The following FHIT variants were observed in gnomAD, a reference collection of about 807,000 sequenced individuals.
FHIT encodes the protein bis(5'-adenosyl)-triphosphatase.
Under a neutral mutation model 17.9 loss-of-function variants are expected in FHIT, and 19 were observed. The ratio of observed to expected loss-of-function variants is 1.06; its 90% CI spans 0.74 to 1.56. The LOEUF (loss-of-function observed/expected upper bound fraction) is 1.56. Ranked by LOEUF, FHIT falls within the 40% of genes most tolerant of loss-of-function variation. The pLI, the probability that FHIT is intolerant of heterozygous loss-of-function variation, is 0.00. For synonymous variants in FHIT, 81 were observed against 69.7 expected (o/e 1.16, Z -0.81); for missense variants, 248 against 189.2 (o/e 1.31, Z -1.82).
chr3:60,719,694 T>C (rs2041766835), intron 4 of FHIT, among the ~76,000 whole-genome samples: 1 of 152,202 alleles, frequency 6.6e-6, no homozygotes, highest in Non-Finnish European at 1.5e-5. Context: ...AGCCTCACAC[T>C]GTAGTTTGAG....
At chr3:61,048,154 A>G (rs2033884837) in intron 2 of FHIT, among the ~76,000 whole-genome samples, 1 of 152,196 alleles carries the variant, frequency 6.6e-6, no homozygotes, top group Admixed American at 6.5e-5. Flanking sequence ...GAGCTTCTGC[A>G]CAGCAAAAGA....
At chr3:60,578,416 G>C (rs570267590) in intron 4 of FHIT, among the ~76,000 whole-genome samples, 1 of 147,958 alleles carries the variant, frequency 6.8e-6, no homozygotes, top group Non-Finnish European at 1.5e-5. Context: ...TGGCCTGGGC[G>C]AAAGAGCATG....
chr3:59,772,745 A>G (rs1702129514), intron 8 of FHIT, among the ~76,000 whole-genome samples: 2 of 152,164 alleles, frequency 1.3e-5, no homozygotes, highest in African/African-American at 4.8e-5. Context: ...TGGGGTTTGC[A>G]GGGCTTTAGA....
At chr3:59,952,473 C>T (rs994399177) in intron 7 of FHIT, among the ~76,000 whole-genome samples, 5 of 152,156 alleles carry the variant, frequency 3.3e-5, no homozygotes, top group South Asian at 2.1e-4. Flanking sequence ...CAATGTGACA[C>T]GCCACTTCCA....
intron 4 of FHIT, among the ~76,000 whole-genome samples, chr3:60,764,092 G>T (rs182173390): frequency 6.6e-6 from 1 of 152,236 alleles, no homozygotes; most frequent in African/African-American, 2.4e-5. Context: ...GTACGACGGG[G>T]ATTGGAAAGC....
chr3:61,151,064 G>A (rs1321610877), intron 2 of FHIT, among the ~76,000 whole-genome samples: 1 of 152,162 alleles, frequency 6.6e-6, no homozygotes, highest in African/African-American at 2.4e-5. Flanking sequence ...TACTTACTTT[G>A]GATTTGCTTC....
rs1039253054 is a variant in FHIT at position 61,141,763 on chromosome 3, G to A, written c.-164+58854C>T. Among the ~76,000 whole-genome samples, 15 of 151,590 alleles carry A rather than the reference G, an allele frequency of 9.9e-5. 1 individual carries two copies. Among genetic ancestry groups the A allele is most frequent in the African/African-American group, 3.1e-4 (13 of 41,376 alleles). ...GCTTCTTCAATTGGCTGACCCAGAG[G>A]AGGCTCCAGCTTTCTCAGGATTGTA... On this transcript the variant is annotated intron_variant, in intron 2 of 9. Coordinates refer to ENST00000492590, the MANE Select transcript of FHIT (RefSeq NM_002012.4).
chr3:61,070,553 A>G (rs1354279087), intron 2 of FHIT, among the ~76,000 whole-genome samples: 1 of 152,182 alleles, frequency 6.6e-6, no homozygotes, highest in African/African-American at 2.4e-5. Context: ...TTAGAATCCA[A>G]TTCAGTCTCT....
chr3:60,885,169 A>G (rs1705169074), intron 3 of FHIT, among the ~76,000 whole-genome samples: 1 of 152,136 alleles, frequency 6.6e-6, no homozygotes, highest in Non-Finnish European at 1.5e-5. Flanking sequence ...AATTTGTTAC[A>G]TATTTCAAAA....
intron 1 of FHIT, among the ~76,000 whole-genome samples, chr3:61,235,407 C>T: frequency 6.6e-6 from 1 of 152,068 alleles, no homozygotes; most frequent in Non-Finnish European, 1.5e-5. Flanking sequence ...AGTTCAGTGC[C>T]TGGCCATAGT....
chr3:60,623,539 T>A (rs1262326908), intron 4 of FHIT, among the ~76,000 whole-genome samples: 1 of 152,202 alleles, frequency 6.6e-6, no homozygotes, highest in Non-Finnish European at 1.5e-5. Flanking sequence ...TCAAGTGAAA[T>A]ACTGTGTGTT....
chr3:60,780,542 G>A (rs1485485530), intron 4 of FHIT, among the ~76,000 whole-genome samples: 1 of 152,048 alleles, frequency 6.6e-6, no homozygotes, highest in Non-Finnish European at 1.5e-5. Context: ...TAATAACCTG[G>A]TTTGTCTGTT....
rs1016063361 is a variant in FHIT at position 59,749,372 on chromosome 3, A to C, written c.*213T>G. 6 of 231,486 alleles carry C rather than the reference A, an allele frequency of 2.6e-5. No homozygotes were observed. Among genetic ancestry groups the C allele is most frequent in the Non-Finnish European group, 4.3e-5 (5 of 117,154 alleles). The allele number at this position is 231,486 out of a possible 1,614,324, so 14.3% of individuals were successfully genotyped here. A position where few individuals can be genotyped will look rare whatever the true frequency, so the allele number is the denominator to read the frequency against. The stretch of plus-strand genomic sequence containing the variant: ...AATAAGGAGACAGGGGGAAACCTCA[A>C]ATCTGCCTGTCTGAGCCGTTTAGGT... On this transcript the variant is annotated 3_prime_UTR_variant, in exon 10 of 10. Coordinates refer to ENST00000492590, the MANE Select transcript of FHIT (RefSeq NM_002012.4).
intron 2 of FHIT, among the ~76,000 whole-genome samples, chr3:61,188,548 T>C (rs1035235152): frequency 3.9e-5 from 6 of 152,156 alleles, no homozygotes; most frequent in Middle Eastern, 6.8e-3. Flanking sequence ...TTCCAATCAA[T>C]AGAAAAAGAG....
intron 5 of FHIT, among the ~76,000 whole-genome samples, chr3:60,442,612 G>C (rs1230335316): frequency 1.3e-5 from 2 of 152,066 alleles, no homozygotes; most frequent in Non-Finnish European, 2.9e-5. Flanking sequence ...TGAGGGCTCT[G>C]TCCTGTCCCA....
rs111926671 is a variant in FHIT at position 61,111,325 on chromosome 3, C to G, written c.-163-69226G>C. The stretch of plus-strand genomic sequence containing the variant: ...TTGGGATTTGGAGCTTGAGATCTGG[C>G]TCTGTCACTTACAAGCCACACTGAA... On this transcript the variant is annotated intron_variant, in intron 2 of 9. Coordinates refer to ENST00000492590, the MANE Select transcript of FHIT (RefSeq NM_002012.4). Among the ~76,000 whole-genome samples, 952 of 152,268 alleles carry G rather than the reference C, an allele frequency of 6.3e-3. 10 individuals carry two copies. Among genetic ancestry groups the G allele is most frequent in the African/African-American group, 0.022 (914 of 41,546 alleles).
chr3:60,626,294 C>A (rs1308868360), intron 4 of FHIT, among the ~76,000 whole-genome samples: 1 of 152,146 alleles, frequency 6.6e-6, no homozygotes, highest in Non-Finnish European at 1.5e-5. Context: ...TGCATTGAAT[C>A]TTTATGGCAC....
rs151244931 is a variant in FHIT, at chr3:60,510,793, T to C, written c.103+26067A>G. Among the ~76,000 whole-genome samples, 94 of 152,294 alleles carry C rather than the reference T, an allele frequency of 6.2e-4. 1 individual carries two copies. In the East Asian group the frequency reaches 0.014, roughly 23 times the overall value. On this transcript the variant is annotated intron_variant, in intron 5 of 9. Coordinates refer to ENST00000492590, the MANE Select transcript of FHIT (RefSeq NM_002012.4). ...AATATTAAATTTAAATTTAAGGTTT[T>C]AGCACAATGGCACATAGGAATGACT...
At chr3:59,928,700 TA>T (rs1406120858) in intron 7 of FHIT, among the ~76,000 whole-genome samples, 2 of 152,046 alleles carry the variant, frequency 1.3e-5, no homozygotes, top group Non-Finnish European at 2.9e-5. Context: ...GCAACTGTAA[TA>T]AAAAGGACAG....
Sources: gnomAD v4.1 joint callset for allele counts (sites outside exome capture counted in the v4.1 genomes callset) on GRCh38, gnomAD v4.1.1 for gene constraint, MANE v1.5 for transcripts, NCBI Gene and HGNC (gene_info 2026-07-23, HGNC 2026-07-21) for gene names.